The following GOLPH3L variants were observed in gnomAD, a reference collection of about 807,000 sequenced individuals.
GOLPH3L encodes the protein Golgi phosphoprotein 3-like.
Under a neutral mutation model 30.3 loss-of-function variants are expected in GOLPH3L, and 22 were observed. The observed-to-expected ratio is 0.73, with a 90% confidence interval of 0.52 to 1.04. The LOEUF (loss-of-function observed/expected upper bound fraction) is 1.04, where lower values mean the gene tolerates loss of function less well. Ranked by LOEUF, GOLPH3L falls within the 50% of genes least tolerant of loss-of-function variation. The probability of loss-of-function intolerance (pLI) is 0.00; values close to 1 mark genes in which losing one functional copy is unlikely to be tolerated. For synonymous variants in GOLPH3L, 120 were observed against 128.2 expected, an observed-to-expected ratio of 0.94 and a Z score of 0.43; for missense variants, 303 against 345.8, an observed-to-expected ratio of 0.88 and a Z score of 0.98.
chr1:150,653,353 T>A (rs1650169982), intron 4 of GOLPH3L, among the ~76,000 whole-genome samples: 2 of 148,264 alleles, frequency 1.3e-5, no homozygotes, highest in South Asian at 4.3e-4. Flanking sequence ...TGGAGTGCAA[T>A]GGCATGATCT....
At position 150,648,491 on chromosome 1, in the gene GOLPH3L, G is replaced by T; in HGVS notation, c.688C>A (p.His230Asn). 1 of 1,613,846 alleles carries T rather than the reference G, an allele frequency of 6.2e-7. No homozygotes were observed. Among genetic ancestry groups the T allele is most frequent in the South Asian group, 1.1e-5 (1 of 91,052 alleles). ...ACATTCTCTAGCACATCAGAGGAGT[G>T]GGCTAGCACCAGGAGTGCTAGTGTT... Reference protein sequence around the residue: ...KRTLALLVLAHSSDVLENVFS... With the variant: ...KRTLALLVLANSSDVLENVFS... The change falls in exon 5 of 5, where the codon CAC becomes AAC. Residue 230 changes from histidine (H) to asparagine (N), a missense_variant. By Grantham distance (68) the His-to-Asn change is moderately conservative. Transcript: ENST00000271732.
chr1:150,696,430 G>GTCTTGGTATAGTCTTGGTATAGTCTTTCT (rs1651356652), intron 1 of GOLPH3L, among the ~76,000 whole-genome samples: 1 of 152,042 alleles, frequency 6.6e-6, no homozygotes, highest in Non-Finnish European at 1.5e-5. Flanking sequence ...TCTTGGTATA[G>GTCTTGGTATAGTCTTGGTATAGTCTTTCT]CTGTCTCTCA....
intron 2 of GOLPH3L, among the ~76,000 whole-genome samples, chr1:150,691,313 C>G (rs1026152918): frequency 6.6e-6 from 1 of 152,132 alleles, no homozygotes; most frequent in South Asian, 2.1e-4. Context: ...GTCAGGAGTT[C>G]AAGACCAGCC....
intron 2 of GOLPH3L, among the ~76,000 whole-genome samples, chr1:150,677,215 C>T (rs947351899): frequency 6.6e-6 from 1 of 151,530 alleles, no homozygotes; most frequent in Non-Finnish European, 1.5e-5. Context: ...GGATTACAGG[C>T]ATGAGCCACC....
At chr1:150,658,393 T>C (rs1241579) in intron 4 of GOLPH3L, among the ~76,000 whole-genome samples, 4,779 of 152,318 alleles carry the variant, frequency 0.031, 269 homozygotes, top group African/African-American at 0.11. Context: ...TCATTGGGCA[T>C]ATTTATCAAT....
chr1:150,685,847 CAT>C (rs1218517010), intron 2 of GOLPH3L, among the ~76,000 whole-genome samples: 23 of 149,692 alleles, frequency 1.5e-4, no homozygotes, highest in Non-Finnish European at 3.0e-4. Context: ...TACAGAGAAA[CAT>C]GTGAAACTTG....
intron 2 of GOLPH3L, among the ~76,000 whole-genome samples, chr1:150,673,397 A>G (rs1419315207): frequency 6.6e-6 from 1 of 151,992 alleles, no homozygotes; most frequent in Non-Finnish European, 1.5e-5. Flanking sequence ...CCCTGTCTCT[A>G]CTAAAAACAC....
chr1:150,663,665 CG>C lies in GOLPH3L; in HGVS notation c.281del (p.Pro94ArgfsTer9). 1 of 1,613,690 alleles carries C rather than the reference CG, an allele frequency of 6.2e-7. No homozygotes were observed. Among genetic ancestry groups the C allele is most frequent in the Non-Finnish European group, 8.5e-7 (1 of 1,179,722 alleles). On this transcript the variant is annotated frameshift_variant, in exon 3 of 5. Coordinates refer to ENST00000271732, the MANE Select transcript of GOLPH3L (RefSeq NM_018178.6). LOFTEE classifies it high-confidence loss of function. Reference sequence around the variant, plus strand: ...CTAGTAGTCGCTTCTTACGCATGGTCGGGGGTTCCAGATAGATTCGACCCCG... The same window carrying C: ...CTAGTAGTCGCTTCTTACGCATGGTCGGGGTTCCAGATAGATTCGACCCCG... ...AMRGRIYLEPPTMRKKRLLDR... is the reference protein window; with the variant it reads ...AMRGRIYLEPXTMRKKRLLDR...
chr1:150,683,829 T>G (rs971630874), intron 2 of GOLPH3L, among the ~76,000 whole-genome samples: 2 of 151,292 alleles, frequency 1.3e-5, no homozygotes, highest in Non-Finnish European at 2.9e-5. Flanking sequence ...GAGCTGTCCT[T>G]CAGGCGGATG....
At chr1:150,666,941 C>T (rs376471149) in intron 2 of GOLPH3L, among the ~76,000 whole-genome samples, 4 of 152,052 alleles carry the variant, frequency 2.6e-5, no homozygotes, top group South Asian at 4.1e-4. Flanking sequence ...AAGAGGTTCA[C>T]GTTTAACGTT....
chr1:150,677,165 G>A (rs1053584332), intron 2 of GOLPH3L, among the ~76,000 whole-genome samples: 1 of 150,422 alleles, frequency 6.6e-6, no homozygotes. Context: ...CTGCCTCCCG[G>A]GTTCAAGCAA....
intron 2 of GOLPH3L, among the ~76,000 whole-genome samples, chr1:150,693,847 ATTTTTTTTT>A (rs66627372): frequency 7.4e-4 from 20 of 27,188 alleles, no homozygotes; most frequent in African/African-American, 2.6e-3. Flanking sequence ...ATATATATAT[ATTTTTTTTT>A]TTTTTTTTTT....
chr1:150,692,617 T>TC (rs1279086151), intron 2 of GOLPH3L, among the ~76,000 whole-genome samples: 2 of 152,194 alleles, frequency 1.3e-5, no homozygotes, highest in Non-Finnish European at 2.9e-5. Context: ...GGTCTTGAAC[T>TC]CCTGGGCCCA....
chr1:150,690,298 T>TA (rs1374471057), intron 2 of GOLPH3L, among the ~76,000 whole-genome samples: 4 of 152,082 alleles, frequency 2.6e-5, no homozygotes, highest in East Asian at 1.9e-4. Flanking sequence ...ACATAGTTTC[T>TA]AAAAAAATGA....
chr1:150,673,340 G>A (rs1399572539), intron 2 of GOLPH3L, among the ~76,000 whole-genome samples: 1 of 152,012 alleles, frequency 6.6e-6, no homozygotes, highest in Non-Finnish European at 1.5e-5. Flanking sequence ...GAGGCGGGCG[G>A]ATCACAAGGT....
chr1:150,648,480 A>G lies in GOLPH3L; in HGVS notation c.699T>C (p.Asp233=). Residue 233 remains aspartate (D), a synonymous_variant, in exon 5 of 5, where the codon GAT becomes GAC. Coordinates refer to ENST00000271732, the MANE Select transcript of GOLPH3L (RefSeq NM_018178.6). ...LALLVLAHSS[D]VLENVFSSLT... ...GAGAGGAGAAGACATTCTCTAGCAC[A>G]TCAGAGGAGTGGGCTAGCACCAGGA... 6.2e-7 allele frequency: 1 copy of G among 1,614,110 alleles called. No individual in the cohort carries two copies. Among genetic ancestry groups the G allele is most frequent in the Non-Finnish European group, 8.5e-7 (1 of 1,179,980 alleles).
In GOLPH3L at chr1:150,670,588, C is replaced by T. The variant is rs190074038; in HGVS notation, c.184-6825G>A. Among the ~76,000 whole-genome samples, 144 of 152,270 alleles carry T rather than the reference C, an allele frequency of 9.5e-4. No individual in the cohort carries two copies. In the East Asian group the frequency reaches 0.012, roughly 12 times the overall value. On this transcript the variant is annotated intron_variant, in intron 2 of 4. Transcript: ENST00000271732. ...CTCCAGCCTGGGCTACAGAGCAAGA[C>T]TCTGTCTCAAAAAATAAATAAATAA...
At chr1:150,687,472 G>C (rs944201695) in intron 2 of GOLPH3L, among the ~76,000 whole-genome samples, 1 of 151,980 alleles carries the variant, frequency 6.6e-6, no homozygotes, top group Non-Finnish European at 1.5e-5. Flanking sequence ...CCAGCTACTT[G>C]GGAGGCTGAC....
At chr1:150,692,641 C>T (rs1368673399) in intron 2 of GOLPH3L, among the ~76,000 whole-genome samples, 6 of 152,182 alleles carry the variant, frequency 3.9e-5, no homozygotes, top group African/African-American at 1.4e-4. Flanking sequence ...AATCCTCTTA[C>T]CTTGGCCTCC....
Sources: allele counts gnomAD v4.1 joint callset (sites outside exome capture counted in the v4.1 genomes callset), GRCh38; gene constraint gnomAD v4.1.1; transcripts MANE v1.5; gene names NCBI Gene and HGNC (gene_info 2026-07-23, HGNC 2026-07-21).